The following PHKA2 variants were observed in gnomAD, a reference collection of about 807,000 sequenced individuals.
PHKA2 encodes phosphorylase kinase regulatory subunit alpha 2, also known as phosphorylase b kinase regulatory subunit alpha, liver isoform.
PHKA2 carries 31 observed loss-of-function variants against 102.0 expected under a neutral mutation model. The ratio of observed to expected loss-of-function variants is 0.30; its 90% CI spans 0.23 to 0.41. The LOEUF (loss-of-function observed/expected upper bound fraction) is 0.41, where lower values mean the gene tolerates loss of function less well. PHKA2 is among the 10% of genes least tolerant of loss of function. The pLI is 1.00. For missense variants in PHKA2, 858 were observed against 1,023.1 expected, an observed-to-expected ratio of 0.84 and a Z score of 2.20; for synonymous variants, 455 against 416.2, an observed-to-expected ratio of 1.09 and a Z score of -1.13.
At position 18,938,617 on chromosome X, in the gene PHKA2, A is replaced by G. The variant is rs1057522099; in HGVS notation, c.1041+10T>C. On this transcript the variant is annotated intron_variant, in intron 10 of 32. Coordinates refer to ENST00000379942, the MANE Select transcript of PHKA2 (RefSeq NM_000292.3). ...AATAATTATCAACGTAACACCCAGC[A>G]TTTTCTCACCTGAACAGCATCACCA... 2.5e-6 allele frequency: 3 copies of G among 1,202,640 alleles called. No homozygotes were observed. Among genetic ancestry groups the G allele is most frequent in the Non-Finnish European group, 3.4e-6 (3 of 887,036 alleles).
At chrX:18,962,665 A>T (rs1326582692) in intron 1 of PHKA2, among the ~76,000 whole-genome samples, 1 of 112,116 alleles carries the variant, frequency 8.9e-6, no homozygotes, top group Admixed American at 9.5e-5. Context: ...ACAAACAAAC[A>T]AACAAACAAA....
intron 1 of PHKA2, among the ~76,000 whole-genome samples, chrX:18,972,810 C>T (rs1036017580): frequency 9.0e-6 from 1 of 111,552 alleles, no homozygotes; most frequent in East Asian, 2.8e-4. Flanking sequence ...TAATAATCTC[C>T]ATGACTCTTA....
rs773397523 is a variant in PHKA2, at chrX:18,951,591, G to T, written c.286-319C>A. ...AGGAGAGATGGAGGGAGGGAAGAAG[G>T]GAGAAAAGGAGGGGAGGAAAGGAAC... On this transcript the variant is annotated intron_variant, in intron 3 of 32. Coordinates refer to ENST00000379942, the MANE Select transcript of PHKA2 (RefSeq NM_000292.3). Among the ~76,000 whole-genome samples the T allele has an allele frequency of 2.7e-5, 3 of 111,376 alleles. No individual in the cohort carries two copies. In the Admixed American group the frequency reaches 2.9e-4, roughly 11 times the overall value.
At chrX:18,952,978 T>G (rs1335271677) in intron 2 of PHKA2, among the ~76,000 whole-genome samples, 1 of 112,448 alleles carries the variant, frequency 8.9e-6, no homozygotes, top group Non-Finnish European at 1.9e-5. Context: ...TCTAACAAAA[T>G]GCAAGTGACA....
intron 1 of PHKA2, among the ~76,000 whole-genome samples, chrX:18,972,929 C>T (rs1382082330): frequency 1.8e-5 from 2 of 112,407 alleles, no homozygotes; most frequent in Non-Finnish European, 3.8e-5. Context: ...CAATACATTA[C>T]TTACGAGGTT....
intron 4 of PHKA2, 56 bp from the exon 5 acceptor site, chrX:18,948,882 C>G: frequency 2.7e-6 from 2 of 742,492 alleles, no homozygotes. Flanking sequence ...CTGCCAGTCA[C>G]AAATTACAAA....
rs2047913292 is a variant in PHKA2 at position 18,910,979 on chromosome X, AAG to A, written c.2138-21_2138-20del. On this transcript the variant is annotated intron_variant, in intron 19 of 32. Transcript: ENST00000379942. ...GGAACAACTGGAAAACAAAAGAATA[AAG>A]AGAGTTATTCTGAGGAGGAAGAACA... 9.5e-7 allele frequency: 1 copy of A among 1,052,837 alleles called. No individual in the cohort carries two copies. Among genetic ancestry groups the A allele is most frequent in the African/African-American group, 2.0e-5 (1 of 51,241 alleles). The allele number at this position is 1,052,837 out of a possible 1,213,427, so 86.8% of individuals were successfully genotyped here.
chrX:18,899,720 G>A (rs772678041), intron 28 of PHKA2, among the ~76,000 whole-genome samples: 3 of 105,213 alleles, frequency 2.9e-5, no homozygotes, highest in Non-Finnish European at 5.7e-5. Flanking sequence ...GTATTTCCTC[G>A]TCTAAAATCT....
At chrX:18,920,835 G>A (rs999652006) in intron 17 of PHKA2, among the ~76,000 whole-genome samples, 6 of 112,361 alleles carry the variant, frequency 5.3e-5, no homozygotes, top group Admixed American at 4.7e-4. Context: ...CACACGCTGG[G>A]AGCGATTTGC....
chrX:18,895,241 CACAT>C (rs2147807481), intron 30 of PHKA2, 50 bp from the exon 31 acceptor site: 1 of 1,069,724 alleles, frequency 9.3e-7, no homozygotes, highest in East Asian at 3.0e-5. Context: ...ATGGGATAAG[CACAT>C]GCATGCACAC....
At chrX:18,903,423 C>T (rs1424202643) in intron 26 of PHKA2, among the ~76,000 whole-genome samples, 1 of 112,369 alleles carries the variant, frequency 8.9e-6, no homozygotes, top group Non-Finnish European at 1.9e-5. Flanking sequence ...TGCTGTGGGC[C>T]CGAGGGGCTG....
intron 2 of PHKA2, among the ~76,000 whole-genome samples, chrX:18,953,715 G>A (rs1040367005): frequency 1.8e-5 from 2 of 112,208 alleles, no homozygotes; most frequent in Admixed American, 9.4e-5. Flanking sequence ...AGCCAGGTGC[G>A]GTGGCTCAGG....
At chrX:18,909,835 A>C (rs1051327626) in intron 20 of PHKA2, among the ~76,000 whole-genome samples, 1 of 112,425 alleles carries the variant, frequency 8.9e-6, no homozygotes, top group Admixed American at 9.5e-5. Context: ...AAAAGCCCTC[A>C]CAAGAGCTAA....
chrX:18,898,954 A>C (rs918727593), intron 29 of PHKA2, among the ~76,000 whole-genome samples: 3 of 112,485 alleles, frequency 2.7e-5, no homozygotes, highest in Non-Finnish European at 5.6e-5. Flanking sequence ...GAGCACAGGC[A>C]GAGAACTGAG....
At chrX:18,983,599 C>T (rs1315505996) in intron 1 of PHKA2, among the ~76,000 whole-genome samples, 1 of 112,256 alleles carries the variant, frequency 8.9e-6, no homozygotes, top group Non-Finnish European at 1.9e-5. Context: ...GACCCGGGCA[C>T]GGAGGCGGCT....
intron 17 of PHKA2, among the ~76,000 whole-genome samples, 165 bp from the exon 18 acceptor site, chrX:18,920,366 A>G (rs964271237): frequency 8.9e-6 from 1 of 112,136 alleles, no homozygotes; most frequent in Middle Eastern, 4.2e-3. Context: ...ACATTCAAAC[A>G]AAAATTCAAT....
At position 18,894,297 on chromosome X, in the gene PHKA2, C is replaced by T. The variant is rs774402125; in HGVS notation, c.3444G>A (p.Thr1148=). 1.5e-5 allele frequency: 18 copies of T among 1,209,789 alleles called. No homozygotes were observed. The East Asian group carries it at 3.6e-4, about 24-fold the overall frequency. The change falls in exon 32 of 33, where the codon ACG becomes ACA. Residue 1148 remains threonine (T), a synonymous_variant. Transcript: ENST00000379942. ...QLLVEAIMVL[T]LLSDTEMTSI... is the part of the protein sequence containing the mutation. ...TGGTCATCTCCGTGTCCGAGAGCAGCGTCAGCACCATGATGGCTTCCACCA... is the reference window on the plus strand; with the variant it reads ...TGGTCATCTCCGTGTCCGAGAGCAGTGTCAGCACCATGATGGCTTCCACCA...
chrX:18,915,548 T>TA (rs1294466382), intron 19 of PHKA2: 2 of 101,714 alleles, frequency 2.0e-5, no homozygotes, highest in South Asian at 5.0e-4. Context: ...ATCTTTTTTT[T>TA]TTTTTTTTTT....
At chrX:18,916,865 T>A (rs1203996059) in intron 19 of PHKA2, among the ~76,000 whole-genome samples, 1 of 109,536 alleles carries the variant, frequency 9.1e-6, no homozygotes, top group Non-Finnish European at 1.9e-5. Context: ...AATGCAAGAA[T>A]GGGCTAATAC....
Sources: gnomAD v4.1 joint callset for allele counts (sites outside exome capture counted in the v4.1 genomes callset) on GRCh38, gnomAD v4.1.1 for gene constraint, MANE v1.5 for transcripts, NCBI Gene and HGNC (gene_info 2026-07-23, HGNC 2026-07-21) for gene names.